The following FREM2 variants were observed in gnomAD, a reference collection of about 807,000 sequenced individuals.
FREM2 encodes the protein FRAS1-related extracellular matrix protein 2.
A neutral mutation model predicts 219.9 loss-of-function variants in FREM2; 119 were observed. The ratio of observed to expected loss-of-function variants is 0.54; its 90% confidence interval spans 0.47 to 0.63. The LOEUF is 0.63. FREM2 is among the 30% of genes least tolerant of loss of function. FREM2 has a pLI of 0.00. For missense variants in FREM2, 4,030 were observed against 3,993.6 expected (o/e 1.01, Z -0.25); for synonymous variants, 1,562 against 1,522.8 (o/e 1.03, Z -0.60).
chr13:38,835,850 C>T (rs867876069), intron 6 of FREM2, among the ~76,000 whole-genome samples: 6 of 152,152 alleles, frequency 3.9e-5, no homozygotes, highest in East Asian at 3.9e-4. Context: ...TGGGCTGAGA[C>T]GATGGAGTTT....
chr13:38,713,331 G>A (rs574336759), intron 2 of FREM2, among the ~76,000 whole-genome samples: 2 of 152,248 alleles, frequency 1.3e-5, no homozygotes, highest in East Asian at 3.9e-4. Context: ...TCCCTCATCT[G>A]TAAACCTGAA....
intron 2 of FREM2, among the ~76,000 whole-genome samples, chr13:38,753,434 T>C (rs1872858385): frequency 6.6e-6 from 1 of 152,174 alleles, no homozygotes; most frequent in Non-Finnish European, 1.5e-5. Flanking sequence ...CCTTTCTGAA[T>C]CTTAGTGAAA....
At chr13:38,795,115 A>G (rs1874717514) in intron 6 of FREM2, among the ~76,000 whole-genome samples, 1 of 152,124 alleles carries the variant, frequency 6.6e-6, no homozygotes, top group African/African-American at 2.4e-5. Context: ...TTAAAATATA[A>G]GTATTACCTA....
intron 2 of FREM2, among the ~76,000 whole-genome samples, chr13:38,712,438 C>G (rs1281455018): frequency 6.6e-6 from 1 of 152,130 alleles, no homozygotes; most frequent in East Asian, 1.9e-4. Context: ...CTATATTATT[C>G]TTTCTTCCTC....
chr13:38,851,573 C>A, intron 10 of FREM2, 113 bp from the exon 11 acceptor site: 1 of 834,498 alleles, frequency 1.2e-6, no homozygotes, highest in Non-Finnish European at 2.0e-6. Flanking sequence ...CAGAGAGAAG[C>A]CAGGAGTGTA....
At position 38,850,250 on chromosome 13, in the gene FREM2, GA is replaced by G. The variant is rs553687138; in HGVS notation, c.6577+18del. 1.7e-5 allele frequency: 28 copies of G among 1,612,712 alleles called. No homozygotes were observed. The Middle Eastern group carries it at 5.0e-4, about 29-fold the overall frequency. On this transcript the variant is annotated intron_variant, in intron 9 of 23. Transcript: ENST00000280481. ...ATTCCTCCCTGGTAAGCTTGAACTT[GA>G]AATTTTTTCGTGAAATTTGAAGAAG...
intron 2 of FREM2, among the ~76,000 whole-genome samples, chr13:38,738,007 T>A (rs954585778): frequency 1.3e-5 from 2 of 152,136 alleles, no homozygotes; most frequent in Non-Finnish European, 2.9e-5. Flanking sequence ...ATAAGGATGC[T>A]GTTGTGGCAA....
At chr13:38,801,035 A>T (rs1874988651) in intron 6 of FREM2, among the ~76,000 whole-genome samples, 1 of 152,194 alleles carries the variant, frequency 6.6e-6, no homozygotes, top group Non-Finnish European at 1.5e-5. Context: ...GAAGACATTG[A>T]TCATTCTTTT....
In FREM2 at chr13:38,690,841, G is replaced by C. The variant is rs193921142; in HGVS notation, c.3497G>C (p.Arg1166Pro). Residue 1166 changes from arginine (R) to proline (P), a missense_variant, in exon 1 of 24, where the codon CGT becomes CCT. This residue lies in a region of FREM2 where 3,102 missense variants were observed against 2,950.7 expected (regional missense o/e 1.05). Transcript: ENST00000280481. ...CCTGTGGAGGACCGATTTGTATTTC[G>C]TTGTTCTGATGGCATTAACTTTTCA... is the stretch of plus-strand genomic sequence containing the variant. ...VEPVEDRFVF[R>P]CSDGINFSER... 12 of 1,614,032 alleles carry C rather than the reference G, an allele frequency of 7.4e-6. No homozygotes were observed. The highest frequency in any genetic ancestry group is 1.7e-5 in the Admixed American group (1 of 59,990).
At chr13:38,713,719 C>T (rs1305133337) in intron 2 of FREM2, among the ~76,000 whole-genome samples, 1 of 152,186 alleles carries the variant, frequency 6.6e-6, no homozygotes, top group African/African-American at 2.4e-5. Context: ...CCTCTACTTA[C>T]TTTTAAAGCA....
rs764711461 is a variant in FREM2, at chr13:38,858,067, G to T, written c.7215+34G>T. 7 of 1,551,602 alleles carry T rather than the reference G, an allele frequency of 4.5e-6. No homozygotes were observed. In the African/African-American group the frequency reaches 8.1e-5, roughly 18 times the overall value. On this transcript the variant is annotated intron_variant, in intron 13 of 23. Transcript: ENST00000280481. ...GAGATTCACAAAATTGAGGAAAATTGTAAGATAATTATTTCAAATAATTAT... is the reference window on the plus strand; with the variant it reads ...GAGATTCACAAAATTGAGGAAAATTTTAAGATAATTATTTCAAATAATTAT...
In FREM2 at chr13:38,846,709, T is replaced by C; in HGVS notation, c.6156T>C (p.Pro2052=). ...SVTVRSRKTD[P]PSADAGTDYV... ...CAGTGAGGTCTCGGAAAACAGATCC[T>C]CCCTCTGCAGATGGTGAGCAGTTTC... is the stretch of plus-strand genomic sequence containing the variant. Residue 2052 remains proline, a synonymous_variant, in exon 7 of 24, where the codon CCT becomes CCC. Transcript: ENST00000280481. 6.2e-7 allele frequency: 1 copy of C among 1,613,706 alleles called. No homozygotes were observed. Among genetic ancestry groups the C allele is most frequent in the Non-Finnish European group, 8.5e-7 (1 of 1,179,722 alleles).
In FREM2 at chr13:38,697,732, A is replaced by G. The variant is rs766821969; in HGVS notation, c.5208A>G (p.Leu1736=). The G allele has an allele frequency of 3.2e-5, 51 of 1,609,280 alleles. 1 individual carries two copies. In the Middle Eastern group the frequency reaches 8.2e-4, roughly 26 times the overall value. The change falls in exon 2 of 24, where the codon TTA becomes TTG. Residue 1736 remains leucine, a synonymous_variant. Transcript: ENST00000280481. The part of the protein sequence containing the change: ...DIDDMKICYV[L]REGANATSDM... ...ATGACATGAAAATATGCTATGTCTT[A>G]AGAGAAGGGGCTAATGCCACAAGTG...
At chr13:38,826,978 C>T (rs746589814) in intron 6 of FREM2, among the ~76,000 whole-genome samples, 4 of 152,068 alleles carry the variant, frequency 2.6e-5, no homozygotes, top group Non-Finnish European at 5.9e-5. Flanking sequence ...TTTTCTCTTA[C>T]GTAGAATATC....
chr13:38,828,350 A>G (rs923758734), intron 6 of FREM2, among the ~76,000 whole-genome samples: 2 of 152,138 alleles, frequency 1.3e-5, no homozygotes, highest in Non-Finnish European at 2.9e-5. Context: ...AGTACTCAAT[A>G]AATATTGGTT....
intron 6 of FREM2, chr13:38,822,004 T>C (rs1876077809): frequency 6.6e-6 from 1 of 152,130 alleles, no homozygotes; most frequent in East Asian, 1.9e-4. Flanking sequence ...CACGTGTCTT[T>C]TTAGGCTGTG....
intron 12 of FREM2, 28 bp downstream of exon 12, chr13:38,856,284 C>T: frequency 6.2e-7 from 1 of 1,603,562 alleles, no homozygotes; most frequent in Non-Finnish European, 8.5e-7. Flanking sequence ...TATGTAAATT[C>T]ATGGCTAGCA....
At position 38,691,356 on chromosome 13, in the gene FREM2, T is replaced by G. The variant is rs770510437; in HGVS notation, c.4012T>G (p.Ser1338Ala). The change falls in exon 1 of 24, where the codon TCT becomes GCT. Residue 1338 changes from serine to alanine, a missense_variant. Physicochemically the swap from Ser to Ala is moderately conservative, Grantham distance 99. Coordinates refer to ENST00000280481, the MANE Select transcript of FREM2 (RefSeq NM_207361.6). The stretch of plus-strand genomic sequence containing the variant: ...AACAGATTTAGATTCAGAAGACAAA[T>G]CTTTGGTTTATATTATTCGTTATGG... ...MATDLDSEDK[S>A]LVYIIRYGPG... The G allele has an allele frequency of 1.2e-6, 2 of 1,613,844 alleles. No individual in the cohort carries two copies. The highest frequency in any genetic ancestry group is 1.7e-6 in the Non-Finnish European group (2 of 1,179,784).
At chr13:38,833,329 T>A (rs1876583855) in intron 6 of FREM2, among the ~76,000 whole-genome samples, 1 of 152,180 alleles carries the variant, frequency 6.6e-6, no homozygotes, top group African/African-American at 2.4e-5. Context: ...CATTTGGGCT[T>A]TTTATTTCAT....
Sources: gnomAD v4.1 joint callset for allele counts (sites outside exome capture counted in the v4.1 genomes callset) on GRCh38, gnomAD v4.1.1 for gene constraint, gnomAD v4.1.1 regional missense constraint, MANE v1.5 for transcripts, NCBI Gene and HGNC (gene_info 2026-07-23, HGNC 2026-07-21) for gene names.